Variants in ARID1B observed in about 807,000 individuals in gnomAD.
The protein encoded by ARID1B is AT-rich interactive domain-containing protein 1B.
ARID1B carries 30 observed loss-of-function variants against 212.3 expected under a neutral mutation model. The ratio of observed to expected loss-of-function variants is 0.14; its 90% CI spans 0.11 to 0.19. The LOEUF (loss-of-function observed/expected upper bound fraction) is 0.19. ARID1B is among the 10% of genes least tolerant of loss of function. The pLI, the probability that ARID1B is intolerant of heterozygous loss-of-function variation, is 1.00. For missense variants in ARID1B, 2,891 were observed against 3,204.0 expected, an observed-to-expected ratio of 0.90 and a Z score of 2.36; for synonymous variants, 1,402 against 1,301.7, an observed-to-expected ratio of 1.08 and a Z score of -1.66.
At chr6:156,928,387 G>A (rs114810374) in intron 3 of ARID1B, among the ~76,000 whole-genome samples, 1,668 of 152,270 alleles carry the variant, frequency 0.011, 26 homozygotes, top group African/African-American at 0.038. Flanking sequence ...GAGATAATGA[G>A]TTGTGTGGGG....
At chr6:157,119,085 C>T (rs561536213) in intron 6 of ARID1B, among the ~76,000 whole-genome samples, 3 of 152,106 alleles carry the variant, frequency 2.0e-5, no homozygotes, top group Non-Finnish European at 4.4e-5. Flanking sequence ...GCCAAAAATT[C>T]GGAAGCCATC....
intron 1 of ARID1B, among the ~76,000 whole-genome samples, chr6:156,783,345 A>T (rs921639578): frequency 6.6e-6 from 1 of 151,756 alleles, no homozygotes; most frequent in Admixed American, 6.6e-5. Flanking sequence ...AAAAAAAAAA[A>T]CATTAATTCT....
intron 2 of ARID1B, among the ~76,000 whole-genome samples, chr6:156,892,316 C>T (rs1239625742): frequency 6.6e-6 from 1 of 151,980 alleles, no homozygotes; most frequent in Non-Finnish European, 1.5e-5. Flanking sequence ...TTCAGTTTGC[C>T]CTGTTGCTCT....
chr6:157,025,414 C>T (rs770665481), intron 4 of ARID1B, among the ~76,000 whole-genome samples: 5 of 152,172 alleles, frequency 3.3e-5, no homozygotes, highest in East Asian at 1.9e-4. Context: ...TCTAGTAGGA[C>T]GGTAGAACAT....
At chr6:156,842,872 G>C (rs576164698) in intron 2 of ARID1B, among the ~76,000 whole-genome samples, 1 of 152,338 alleles carries the variant, frequency 6.6e-6, no homozygotes, top group South Asian at 2.1e-4. Flanking sequence ...GGGAAACAGA[G>C]GTTAGGTAGC....
chr6:157,172,270 C>T (rs572963687), intron 9 of ARID1B, among the ~76,000 whole-genome samples: 1 of 152,170 alleles, frequency 6.6e-6, no homozygotes, highest in Non-Finnish European at 1.5e-5. Context: ...AGGCGGTCTT[C>T]GCGGTGTAAT....
chr6:156,910,817 A>G (rs963410039), intron 3 of ARID1B, among the ~76,000 whole-genome samples: 1 of 152,254 alleles, frequency 6.6e-6, no homozygotes, highest in African/African-American at 2.4e-5. Context: ...TAGAACATAC[A>G]GATAATACCT....
chr6:157,170,117 C>T (rs935815740), intron 9 of ARID1B: 30 of 152,118 alleles, frequency 2.0e-4, no homozygotes, highest in African/African-American at 7.0e-4. Flanking sequence ...GAGGTGGGTC[C>T]AGGAATCCGC....
chr6:157,128,888 G>A (rs1300368632), intron 6 of ARID1B, among the ~76,000 whole-genome samples: 1 of 152,182 alleles, frequency 6.6e-6, no homozygotes, highest in East Asian at 1.9e-4. Flanking sequence ...CTTTGGCCAG[G>A]GGAACTCTGG....
At chr6:156,990,371 T>G (rs6899555) in intron 4 of ARID1B, among the ~76,000 whole-genome samples, 45 of 151,754 alleles carry the variant, frequency 3.0e-4, no homozygotes, top group South Asian at 8.3e-4. Flanking sequence ...GGCCGGGCGC[T>G]GTGGCTCACA....
chr6:157,039,322 CTTTTT>C lies in ARID1B; in HGVS notation c.2248-45325_2248-45321del, dbSNP rs1003131791. Among the ~76,000 whole-genome samples, 78 of 102,950 alleles carry C rather than the reference CTTTTT, an allele frequency of 7.6e-4. 2 individuals are homozygous for C. The South Asian group carries it at 0.019, about 25-fold the overall frequency. The allele number at this position is 102,950 out of a possible 152,430, so 67.5% of individuals were successfully genotyped here. ...ATTAAAAATGGGAAATTTGACATTT[CTTTTT>C]TTTTTTTTTTTTTTGAGACGGAGTC... On this transcript the variant is annotated intron_variant, in intron 4 of 19. Transcript: ENST00000636930.
chr6:156,800,740 C>A (rs1043131885), intron 1 of ARID1B, among the ~76,000 whole-genome samples: 6 of 151,892 alleles, frequency 4.0e-5, no homozygotes, highest in Non-Finnish European at 8.8e-5. Context: ...GACCCCGTCT[C>A]TACAAAAAAT....
chr6:157,043,713 C>T (rs997301579), intron 4 of ARID1B, among the ~76,000 whole-genome samples: 6 of 152,184 alleles, frequency 3.9e-5, no homozygotes, highest in African/African-American at 1.2e-4. Context: ...TGCCGATTCT[C>T]CTGTTATCTG....
chr6:156,851,758 G>A lies in ARID1B; in HGVS notation c.1986+22337G>A, dbSNP rs374982555. On this transcript the variant is annotated intron_variant, in intron 2 of 19. Coordinates refer to ENST00000636930, the MANE Select transcript of ARID1B (RefSeq NM_001374828.1). ...AATATTTATTGGTCGAGTGCTTCAC[G>A]TAGAAGACTAACATAATGAAAAAGC... Among the ~76,000 whole-genome samples the A allele has an allele frequency of 3.5e-4, 53 of 152,338 alleles. No homozygotes were observed. The South Asian group carries it at 9.7e-3, about 28-fold the overall frequency.
At chr6:156,828,513 G>A (rs148559891) in intron 1 of ARID1B, among the ~76,000 whole-genome samples, 2 of 152,144 alleles carry the variant, frequency 1.3e-5, no homozygotes, top group African/African-American at 4.8e-5. Context: ...GAGGCTCCAC[G>A]CCTAGCCCTC....
At chr6:157,023,702 A>G (rs1780470938) in intron 4 of ARID1B, 1 of 152,202 alleles carries the variant, frequency 6.6e-6, no homozygotes, top group South Asian at 2.1e-4. Flanking sequence ...AGGCATATCT[A>G]TTTGGGAGTC....
rs1280584818 is a variant in ARID1B, at chr6:157,039,767, A to ACCTT, written c.2248-44892_2248-44891insTCCT. Among the ~76,000 whole-genome samples, 19 of 82,476 alleles carry ACCTT rather than the reference A, an allele frequency of 2.3e-4. 1 individual carries two copies. The highest frequency in any genetic ancestry group is 4.4e-4 in the South Asian group (1 of 2,280). The allele number at this position is 82,476 out of a possible 152,430, so 54.1% of individuals were successfully genotyped here. A position where few individuals can be genotyped will look rare whatever the true frequency, so the allele number is the denominator to read the frequency against. On this transcript the variant is annotated intron_variant, in intron 4 of 19. Transcript: ENST00000636930. ...TCCCTTCCTTCCTTCCTACCTTCCT[A>ACCTT]CCTACCTACCTTCCTTCCTTCCTTC...
chr6:157,207,874 C>A lies in ARID1B; in HGVS notation c.7102C>A (p.Gln2368Lys). 1 of 1,498,880 alleles carries A rather than the reference C, an allele frequency of 6.7e-7. No homozygotes were observed. 92.8% of individuals were successfully genotyped at this position (1,498,880 alleles called of 1,614,324 possible). A position where few individuals can be genotyped will look rare whatever the true frequency, so the allele number is the denominator to read the frequency against. ...VASVICDVLF[Q>K]IGQL ...ATCTGTCATCTGTGATGTACTGTTTCAGATTGGGCAGTTATGACATAAGTG... is the reference window on the plus strand; with the variant it reads ...ATCTGTCATCTGTGATGTACTGTTTAAGATTGGGCAGTTATGACATAAGTG... The change falls in exon 20 of 20, where the codon CAG (glutamine) becomes AAG (lysine). Residue 2368 changes from glutamine (Q) to lysine (K), a missense_variant. Gln to Lys is a moderately conservative substitution (Grantham distance 53). This residue lies in a region of ARID1B where 187 missense variants were observed against 306.5 expected (regional missense o/e 0.61). Coordinates refer to ENST00000636930, the MANE Select transcript of ARID1B (RefSeq NM_001374828.1). This position sits in a 1 kb window ranked among gnomAD's most constrained non-coding sequence, Gnocchi z 8.5.
intron 2 of ARID1B, among the ~76,000 whole-genome samples, chr6:156,887,913 T>C (rs562485846): frequency 2.0e-5 from 3 of 152,348 alleles, no homozygotes; most frequent in Non-Finnish European, 2.9e-5. Context: ...CCTACAAGGC[T>C]CCCCTTCCAA....
Sources: gnomAD v4.1 joint callset for allele counts (sites outside exome capture counted in the v4.1 genomes callset) on GRCh38, gnomAD v4.1.1 for gene constraint, gnomAD v4.1.1 regional missense constraint, Gnocchi (gnomAD v3.1) non-coding constraint, MANE v1.5 for transcripts, NCBI Gene and HGNC (gene_info 2026-07-23, HGNC 2026-07-21) for gene names.